The following CEP112 variants were observed in gnomAD, a reference collection of about 807,000 sequenced individuals.
CEP112 encodes centrosomal protein of 112 kDa.
CEP112 carries 127 observed loss-of-function variants against 153.0 expected under a neutral mutation model. The ratio of observed to expected loss-of-function variants is 0.83; its 90% CI spans 0.72 to 0.96. CEP112 has a LOEUF of 0.96. Among genes scored for constraint, CEP112 ranks in the 40% least tolerant of loss-of-function variants. CEP112 has a pLI of 0.00. For synonymous variants in CEP112, 358 were observed against 374.4 expected, an observed-to-expected ratio of 0.96 and a Z score of 0.51; for missense variants, 1,089 against 1,101.2, an observed-to-expected ratio of 0.99 and a Z score of 0.16.
At chr17:65,764,702 C>A (rs868299090) in intron 21 of CEP112, among the ~76,000 whole-genome samples, 5 of 151,666 alleles carry the variant, frequency 3.3e-5, no homozygotes, top group African/African-American at 9.7e-5. Flanking sequence ...ATAATTGGAT[C>A]TTGATTTTTT....
intron 21 of CEP112, among the ~76,000 whole-genome samples, chr17:65,784,643 G>A (rs1244368518): frequency 1.3e-5 from 2 of 152,030 alleles, no homozygotes; most frequent in African/African-American, 4.8e-5. Context: ...ACCATGCCTG[G>A]CAAATTTTTG....
At chr17:66,082,698 G>A (rs1216377715) in intron 8 of CEP112, among the ~76,000 whole-genome samples, 1 of 151,886 alleles carries the variant, frequency 6.6e-6, no homozygotes, top group African/African-American at 2.4e-5. Flanking sequence ...AGGAGACAGA[G>A]GTTGCAGTAA....
At chr17:65,716,242 C>T (rs1009876156) in intron 23 of CEP112, among the ~76,000 whole-genome samples, 1 of 152,044 alleles carries the variant, frequency 6.6e-6, no homozygotes, top group Non-Finnish European at 1.5e-5. Context: ...TTGCAACCTC[C>T]ACCTCCCAGG....
chr17:65,652,928 C>T (rs1228094185), intron 24 of CEP112, among the ~76,000 whole-genome samples: 1 of 152,138 alleles, frequency 6.6e-6, no homozygotes, highest in African/African-American at 2.4e-5. Flanking sequence ...CCAACATGGC[C>T]AGGTTCTTGG....
rs147499418 is a variant in CEP112 at position 65,968,120 on chromosome 17, T to G, written c.1737-6522A>C. Among the ~76,000 whole-genome samples the G allele has an allele frequency of 1.9e-3, 283 of 152,292 alleles. 2 individuals carry two copies. The highest frequency in any genetic ancestry group is 5.8e-3 in the African/African-American group (242 of 41,576). On this transcript the variant is annotated intron_variant, in intron 17 of 26. Coordinates refer to ENST00000535342, the MANE Select transcript of CEP112 (RefSeq NM_001199165.4). ...AGTATATAATAAGGAAATTACGTTATTCTTGTAAAATGACAAAACCTAAAT... is the reference window on the plus strand; with the variant it reads ...AGTATATAATAAGGAAATTACGTTAGTCTTGTAAAATGACAAAACCTAAAT...
At chr17:65,643,695 CT>C (rs2045276674) in intron 24 of CEP112, among the ~76,000 whole-genome samples, 1 of 152,304 alleles carries the variant, frequency 6.6e-6, no homozygotes, top group East Asian at 1.9e-4. Context: ...CAGAAACTTC[CT>C]CTGAGAGATG....
intron 24 of CEP112, chr17:65,661,628 C>T (rs1024415646): frequency 5.3e-5 from 8 of 152,096 alleles, no homozygotes; most frequent in Non-Finnish European, 1.0e-4. Context: ...TATGTTGAAC[C>T]GGAGATCAAC....
intron 21 of CEP112, among the ~76,000 whole-genome samples, chr17:65,833,356 A>G (rs1440835623): frequency 6.6e-6 from 1 of 152,164 alleles, no homozygotes; most frequent in Admixed American, 6.6e-5. Context: ...TCCTAGCCAG[A>G]GCAATCAGGC....
chr17:65,859,506 AC>A lies in CEP112; in HGVS notation c.2164-7473del, dbSNP rs1268572832. ...TATGATTATCTGAATACACAGAAAA[AC>A]ATCTGATAAAATTAAACAACAAAAA... On this transcript the variant is annotated intron_variant, in intron 20 of 26. Coordinates refer to ENST00000535342, the MANE Select transcript of CEP112 (RefSeq NM_001199165.4). Among the ~76,000 whole-genome samples, 6 of 151,894 alleles carry A rather than the reference AC, an allele frequency of 4.0e-5. No homozygotes were observed. The East Asian group carries it at 1.2e-3, about 29-fold the overall frequency.
At chr17:65,859,824 T>C (rs528705820) in intron 20 of CEP112, among the ~76,000 whole-genome samples, 38 of 132,600 alleles carry the variant, frequency 2.9e-4, no homozygotes, top group Middle Eastern at 4.4e-3. Flanking sequence ...CTGGTCAACA[T>C]AGCGAAACCC....
At chr17:65,842,425 A>G (rs2057553540) in intron 21 of CEP112, among the ~76,000 whole-genome samples, 1 of 152,246 alleles carries the variant, frequency 6.6e-6, no homozygotes, top group Non-Finnish European at 1.5e-5. Flanking sequence ...GTGCTCTTTA[A>G]TGTGCAGCAG....
At chr17:65,903,350 A>G (rs1385267218) in intron 19 of CEP112, 2 of 152,224 alleles carry the variant, frequency 1.3e-5, no homozygotes, top group Admixed American at 1.3e-4. Flanking sequence ...GTTTCGTGCA[A>G]TGAATCACCA....
intron 21 of CEP112, among the ~76,000 whole-genome samples, chr17:65,832,264 C>G (rs994773403): frequency 3.3e-5 from 5 of 151,832 alleles, no homozygotes; most frequent in African/African-American, 1.2e-4. Context: ...AATTAACAAC[C>G]TAACATCACA....
intron 20 of CEP112, among the ~76,000 whole-genome samples, chr17:65,868,413 A>C (rs912618652): frequency 6.6e-6 from 1 of 151,904 alleles, no homozygotes; most frequent in Non-Finnish European, 1.5e-5. Context: ...GGCAGGAGAA[A>C]CGCTTGAGCC....
rs2062329497 is a variant in CEP112, at chr17:65,964,267, C to T, written c.1737-2669G>A. ...TAACATTAGTGAGGCTTTTTTGCCA[C>T]CTAATGTGAATATTAGCTCAAAGAT... On this transcript the variant is annotated intron_variant, in intron 17 of 26. Coordinates refer to ENST00000535342, the MANE Select transcript of CEP112 (RefSeq NM_001199165.4). Among the ~76,000 whole-genome samples the T allele has an allele frequency of 2.0e-5, 3 of 152,094 alleles. No individual in the cohort carries two copies. The South Asian group carries it at 6.2e-4, about 32-fold the overall frequency.
chr17:66,177,075 A>G (rs1367954563), intron 2 of CEP112, 55 bp from the exon 3 acceptor site: 1 of 1,401,552 alleles, frequency 7.1e-7, no homozygotes, highest in Non-Finnish European at 9.7e-7. Flanking sequence ...TGAAACATTC[A>G]ATTACAAAGA....
intron 8 of CEP112, among the ~76,000 whole-genome samples, chr17:66,091,838 AAG>A (rs2068142766): frequency 1.3e-5 from 2 of 152,272 alleles, no homozygotes; most frequent in Non-Finnish European, 1.5e-5. Flanking sequence ...TAAGAAATGA[AAG>A]AGATGTTAGA....
chr17:65,886,132 G>A (rs191484441), intron 20 of CEP112, among the ~76,000 whole-genome samples: 110 of 152,174 alleles, frequency 7.2e-4, no homozygotes, highest in Middle Eastern at 3.4e-3. Flanking sequence ...TATTCAAACC[G>A]CAGCTGGGTG....
chr17:65,985,541 G>A (rs1007718029), intron 17 of CEP112, among the ~76,000 whole-genome samples: 1 of 152,088 alleles, frequency 6.6e-6, no homozygotes, highest in Non-Finnish European at 1.5e-5. Flanking sequence ...AATGGTGCCA[G>A]GAATAATTTT....
Sources: allele counts gnomAD v4.1 joint callset (sites outside exome capture counted in the v4.1 genomes callset), GRCh38; gene constraint gnomAD v4.1.1; transcripts MANE v1.5; gene names NCBI Gene and HGNC (gene_info 2026-07-23, HGNC 2026-07-21).